SFT2D1: variants seen among roughly 807,000 people sequenced by gnomAD.
The protein encoded by SFT2D1 is SFT2 domain containing 1, also known as vesicle transport protein SFT2A.
SFT2D1 carries 24 observed loss-of-function variants against 28.1 expected under a neutral mutation model. That is an observed-to-expected ratio of 0.85 (90% CI 0.62 to 1.20). The LOEUF is 1.20. Ranked by LOEUF, SFT2D1 falls within the 50% of genes most tolerant of loss-of-function variation. The pLI, the probability that SFT2D1 is intolerant of heterozygous loss-of-function variation, is 0.00. For synonymous variants in SFT2D1, 82 were observed against 73.7 expected (o/e 1.11, Z -0.58); for missense variants, 181 against 190.9 (o/e 0.95, Z 0.31).
At chr6:166,329,241 C>T (rs1016043438) in intron 3 of SFT2D1, among the ~76,000 whole-genome samples, 3 of 152,162 alleles carry the variant, frequency 2.0e-5, no homozygotes, top group South Asian at 2.1e-4. Flanking sequence ...CTCACAAGCT[C>T]GTCATAATAC....
intron 1 of SFT2D1, among the ~76,000 whole-genome samples, chr6:166,332,208 T>G (rs560573773): frequency 6.6e-6 from 1 of 152,306 alleles, no homozygotes; most frequent in South Asian, 2.1e-4. Flanking sequence ...TGCTTCAACA[T>G]GAAAGAAAAC....
chr6:166,335,589 G>A, intron 1 of SFT2D1: 1 of 377,734 alleles, frequency 2.6e-6, no homozygotes, highest in Non-Finnish European at 5.1e-6. Flanking sequence ...TTTTGAATTT[G>A]AAAAATCAGA....
Position 166,328,368 on chromosome 6 carries a change from C to A in SFT2D1, c.234-11G>T. 1 of 1,509,968 alleles carries A rather than the reference C, an allele frequency of 6.6e-7. No homozygotes were observed. The highest frequency in any genetic ancestry group is 9.0e-7 in the Non-Finnish European group (1 of 1,117,034). 93.5% of individuals were successfully genotyped at this position (1,509,968 alleles called of 1,614,324 possible). ...ATTAAAAAGCATGTACTATTTGAAA[C>A]AAATAAAGTGACTGAGGTACAGGTC... On this transcript the variant is annotated splice_polypyrimidine_tract_variant and intron_variant, in intron 3 of 7. Coordinates refer to ENST00000361731, the MANE Select transcript of SFT2D1 (RefSeq NM_145169.3).
intron 1 of SFT2D1, among the ~76,000 whole-genome samples, chr6:166,336,237 T>C (rs1197674025): frequency 6.8e-6 from 1 of 146,448 alleles, no homozygotes; most frequent in Non-Finnish European, 1.5e-5. Flanking sequence ...GAGAAGCCAC[T>C]GTCTTCAGTG....
chr6:166,323,049 G>T (rs1778386477), intron 6 of SFT2D1, 163 bp from the exon 7 acceptor site: 5 of 542,172 alleles, frequency 9.2e-6, no homozygotes, highest in Non-Finnish European at 1.6e-5. Flanking sequence ...CTGGGAACTT[G>T]TTAAAAATGT....
chr6:166,326,497 C>T (rs759645010), intron 4 of SFT2D1, among the ~76,000 whole-genome samples: 44 of 152,178 alleles, frequency 2.9e-4, no homozygotes, highest in Non-Finnish European at 5.4e-4. Context: ...CTAAAGAGAT[C>T]CCAGCTCTGA....
chr6:166,335,088 C>T, intron 1 of SFT2D1: 1 of 572,340 alleles, frequency 1.7e-6, no homozygotes, highest in Non-Finnish European at 3.4e-6. Context: ...CTGTGAATGG[C>T]CAAAACTGTG....
intron 1 of SFT2D1, chr6:166,334,822 G>A (rs1778615443): frequency 2.3e-6 from 1 of 428,384 alleles, no homozygotes; most frequent in South Asian, 1.9e-5. Flanking sequence ...CACACAAGGT[G>A]GATGAAGAGT....
At chr6:166,321,193 T>A (rs930409583) in intron 7 of SFT2D1, among the ~76,000 whole-genome samples, 1 of 152,168 alleles carries the variant, frequency 6.6e-6, no homozygotes, top group Non-Finnish European at 1.5e-5. Flanking sequence ...AAGATTGAAG[T>A]GTGACCTTTC....
intron 2 of SFT2D1, 33 bp from the exon 3 acceptor site, chr6:166,329,622 A>T: frequency 6.7e-7 from 1 of 1,497,378 alleles, no homozygotes; most frequent in South Asian, 1.3e-5. Context: ...TTTTAAAATA[A>T]TTTTATGATT....
chr6:166,342,363 G>T, intron 1 of SFT2D1, 56 bp downstream of exon 1: 3 of 1,508,150 alleles, frequency 2.0e-6, no homozygotes, highest in Non-Finnish European at 2.7e-6. Flanking sequence ...CCGGTCCTCA[G>T]TGCGGCCGGG....
At chr6:166,340,374 C>G (rs927187942) in intron 1 of SFT2D1, among the ~76,000 whole-genome samples, 5 of 152,214 alleles carry the variant, frequency 3.3e-5, no homozygotes, top group Non-Finnish European at 7.3e-5. Context: ...TCCTATCACA[C>G]TCAGAGTAAA....
At chr6:166,340,507 T>C (rs964502064) in intron 1 of SFT2D1, among the ~76,000 whole-genome samples, 3 of 152,222 alleles carry the variant, frequency 2.0e-5, no homozygotes, top group African/African-American at 7.2e-5. Flanking sequence ...CTGGCCTCCT[T>C]ACTGGCCCTG....
chr6:166,326,040 A>G (rs1778438267), intron 5 of SFT2D1, 92 bp downstream of exon 5: 3 of 1,201,978 alleles, frequency 2.5e-6, no homozygotes, highest in Non-Finnish European at 3.6e-6. Context: ...AAAAAAACAG[A>G]TGAGCTATTT....
intron 1 of SFT2D1, 50 bp from the exon 2 acceptor site, chr6:166,330,297 T>A (rs368692038): frequency 3.2e-6 from 4 of 1,238,816 alleles, no homozygotes; most frequent in Non-Finnish European, 3.4e-6. Flanking sequence ...TCACTACCAA[T>A]CTGATTCTTT....
intron 1 of SFT2D1, among the ~76,000 whole-genome samples, chr6:166,341,543 C>T (rs1326211903): frequency 6.6e-6 from 1 of 152,080 alleles, no homozygotes; most frequent in Non-Finnish European, 1.5e-5. Context: ...GTCTTACACT[C>T]TCTGAACCCA....
intron 1 of SFT2D1, 32 bp from the exon 2 acceptor site, chr6:166,330,279 G>T: frequency 7.3e-7 from 1 of 1,379,004 alleles, no homozygotes; most frequent in Non-Finnish European, 1.0e-6. Flanking sequence ...TTAGAATATA[G>T]TCTTAATTCA....
rs995951765 is a variant in SFT2D1, at chr6:166,319,940, A to G, written c.*277T>C. ...TTCACATTTCAAAGCTGCTTTGAAA[A>G]GATTTAAAAATTGGCTAAAAATAAT... On this transcript the variant is annotated 3_prime_UTR_variant, in exon 8 of 8. Coordinates refer to ENST00000361731, the MANE Select transcript of SFT2D1 (RefSeq NM_145169.3). The G allele has an allele frequency of 7.6e-5, 24 of 315,930 alleles. No homozygotes were observed. Among genetic ancestry groups the G allele is most frequent in the African/African-American group, 4.8e-4 (22 of 45,894 alleles). The allele number at this position is 315,930 out of a possible 1,614,324, so 19.6% of individuals were successfully genotyped here.
At chr6:166,325,926 C>T (rs1778436653) in intron 5 of SFT2D1, 1 of 606,572 alleles carries the variant, frequency 1.6e-6, no homozygotes, top group Non-Finnish European at 3.0e-6. Context: ...TGTGTGTTCA[C>T]TGACTACCTC....
Sources: allele counts gnomAD v4.1 joint callset (sites outside exome capture counted in the v4.1 genomes callset), GRCh38; gene constraint gnomAD v4.1.1; transcripts MANE v1.5; gene names NCBI Gene and HGNC (gene_info 2026-07-23, HGNC 2026-07-21).